The following ANK3 variants were observed in gnomAD, a reference collection of about 807,000 sequenced individuals.
ANK3 encodes the protein ankyrin 3, also known as ankyrin-3.
A neutral mutation model predicts 370.9 loss-of-function variants in ANK3; 57 were observed. The observed-to-expected ratio is 0.15, with a 90% confidence interval of 0.12 to 0.19. The LOEUF (loss-of-function observed/expected upper bound fraction) is 0.19, where lower values mean the gene tolerates loss of function less well. Ranked by LOEUF, ANK3 falls within the 10% of genes least tolerant of loss-of-function variation. ANK3 has a pLI of 1.00. For synonymous variants in ANK3, 1,929 were observed against 1,946.3 expected, an observed-to-expected ratio of 0.99 and a Z score of 0.23; for missense variants, 4,439 against 5,302.1, an observed-to-expected ratio of 0.84 and a Z score of 5.06.
At chr10:60,681,988 C>CA (rs1383468891) in intron 1 of ANK3, among the ~76,000 whole-genome samples, 3 of 151,964 alleles carry the variant, frequency 2.0e-5, no homozygotes, top group East Asian at 1.9e-4. Context: ...TCCATCTCTA[C>CA]AAAAAATGAA....
intron 2 of ANK3, among the ~76,000 whole-genome samples, chr10:60,598,170 A>G (rs2078013476): frequency 6.6e-6 from 1 of 152,222 alleles, no homozygotes; most frequent in African/African-American, 2.4e-5. Context: ...ATCGTAGCAG[A>G]AACTAAGTTA....
chr10:60,615,720 G>T (rs2078259344), intron 1 of ANK3, among the ~76,000 whole-genome samples: 1 of 152,122 alleles, frequency 6.6e-6, no homozygotes, highest in Non-Finnish European at 1.5e-5. Flanking sequence ...TTTACCAAGG[G>T]TCAGAATAGC....
At chr10:60,290,413 T>A (rs758465687) in intron 1 of ANK3, among the ~76,000 whole-genome samples, 2 of 151,156 alleles carry the variant, frequency 1.3e-5, no homozygotes, top group African/African-American at 2.4e-5. Flanking sequence ...TTTTTTTTAC[T>A]TAACTGTTAT....
At chr10:60,203,154 G>T in intron 11 of ANK3, 54 bp from the exon 12 acceptor site, 1 of 1,328,168 alleles carries the variant, frequency 7.5e-7, no homozygotes, top group Non-Finnish European at 1.1e-6. Context: ...AAAAAGGTTT[G>T]TCTGTGAGCC....
At chr10:60,288,044 A>G (rs948040204) in intron 1 of ANK3, among the ~76,000 whole-genome samples, 5 of 152,166 alleles carry the variant, frequency 3.3e-5, no homozygotes, top group Non-Finnish European at 5.9e-5. Context: ...ACAAAACATG[A>G]ATCAACACTA....
chr10:60,395,550 C>T (rs7903441), intron 2 of ANK3, among the ~76,000 whole-genome samples: 11,330 of 106,110 alleles, frequency 0.11, 1,046 homozygotes, highest in African/African-American at 0.15. Context: ...ACTACTATGC[C>T]TCTTTCTTTC....
chr10:60,634,469 C>T (rs1366213289), intron 1 of ANK3, among the ~76,000 whole-genome samples: 5 of 152,046 alleles, frequency 3.3e-5, no homozygotes, highest in Admixed American at 3.3e-4. Context: ...ACGGACCAAT[C>T]GGCACTCTGT....
At chr10:60,423,845 A>G (rs1223322768) in intron 2 of ANK3, among the ~76,000 whole-genome samples, 1 of 152,192 alleles carries the variant, frequency 6.6e-6, no homozygotes, top group Non-Finnish European at 1.5e-5. Flanking sequence ...AGGTTTATGT[A>G]TTCTAGAGTG....
At chr10:60,084,581 T>C (rs1288469911) in intron 32 of ANK3, 21 bp downstream of exon 32, 2 of 1,598,748 alleles carry the variant, frequency 1.3e-6, no homozygotes, top group African/African-American at 2.7e-5. Context: ...TGAAATGAAC[T>C]TGTTTTTGTG....
chr10:60,288,927 C>CAT (rs60551895), intron 1 of ANK3, among the ~76,000 whole-genome samples: 1 of 151,252 alleles, frequency 6.6e-6, no homozygotes, highest in Non-Finnish European at 1.5e-5. Flanking sequence ...CACACACACA[C>CAT]GTCACAGCCA....
At chr10:60,503,081 C>A (rs558465294) in intron 2 of ANK3, among the ~76,000 whole-genome samples, 1 of 152,096 alleles carries the variant, frequency 6.6e-6, no homozygotes, top group African/African-American at 2.4e-5. Context: ...TCCATTTATA[C>A]TCTCATACAT....
chr10:60,244,725 C>T (rs553318307), intron 7 of ANK3, among the ~76,000 whole-genome samples: 8 of 152,208 alleles, frequency 5.3e-5, no homozygotes, highest in Admixed American at 3.3e-4. Context: ...AGGAAATACA[C>T]GGAAGCAAAG....
rs1555273346 is a variant in ANK3, at chr10:60,311,494, A to AAG, written c.115-31857_115-31856dup. On this transcript the variant is annotated intron_variant, in intron 1 of 43. Coordinates refer to ENST00000280772, the MANE Select transcript of ANK3 (RefSeq NM_020987.5). ...GAAGCCAAAAAAAAAAAAAAAAAAAAAGAGAGAGAGAGGGAGAATAGTCCT... is the reference window on the plus strand; with the variant it reads ...GAAGCCAAAAAAAAAAAAAAAAAAAAAGAGAGAGAGAGAGGGAGAATAGTCCT... Among the ~76,000 whole-genome samples the AAG allele has an allele frequency of 5.0e-4, 71 of 143,082 alleles. 1 individual carries two copies. In the East Asian group the frequency reaches 8.9e-3, roughly 18 times the overall value. The allele number at this position is 143,082 out of a possible 152,430, so 93.9% of individuals were successfully genotyped here.
At chr10:60,342,105 G>A (rs1195395172) in intron 1 of ANK3, among the ~76,000 whole-genome samples, 1 of 152,076 alleles carries the variant, frequency 6.6e-6, no homozygotes, top group Non-Finnish European at 1.5e-5. Context: ...TCCATTTCGT[G>A]TGCTTGCCTA....
At chr10:60,505,322 AT>A (rs2075908724) in intron 2 of ANK3, among the ~76,000 whole-genome samples, 1 of 152,034 alleles carries the variant, frequency 6.6e-6, no homozygotes, top group East Asian at 1.9e-4. Flanking sequence ...AGATATATAT[AT>A]AAATTATATT....
chr10:60,679,854 G>T (rs1212926482), intron 1 of ANK3, among the ~76,000 whole-genome samples: 1 of 151,928 alleles, frequency 6.6e-6, no homozygotes, highest in Non-Finnish European at 1.5e-5. Flanking sequence ...ATTACCCTGG[G>T]GCCCAGCGTG....
intron 7 of ANK3, among the ~76,000 whole-genome samples, chr10:60,255,792 GA>G (rs2097725908): frequency 6.6e-6 from 1 of 152,058 alleles, no homozygotes. Context: ...ATGCTCTTGA[GA>G]ATAAAAAAAA....
chr10:60,208,278 A>G, intron 9 of ANK3, 45 bp from the exon 10 acceptor site: 1 of 1,562,198 alleles, frequency 6.4e-7, no homozygotes, highest in Non-Finnish European at 8.8e-7. Context: ...TACCTTTTAA[A>G]CACAAATGTG....
chr10:60,048,232 G>C lies in ANK3; in HGVS notation c.13066-5473C>G, dbSNP rs115598452. 4.1e-3 allele frequency among the ~76,000 whole-genome samples: 622 copies of C among 152,202 alleles called. 4 individuals carry two copies. The highest frequency in any genetic ancestry group is 0.015 in the African/African-American group (604 of 41,540). ...TCAGAACTGGGATACTAAGTGCTAG[G>C]GGGCTTACTATGGCAAACAGTGTTA... On this transcript the variant is annotated intron_variant, in intron 42 of 43. Transcript: ENST00000280772.
Sources: gnomAD v4.1 joint callset for allele counts (sites outside exome capture counted in the v4.1 genomes callset) on GRCh38, gnomAD v4.1.1 for gene constraint, MANE v1.5 for transcripts, NCBI Gene and HGNC (gene_info 2026-07-23, HGNC 2026-07-21) for gene names.